SMCO3: variants seen among roughly 807,000 people sequenced by gnomAD.
The protein encoded by SMCO3 is single-pass membrane and coiled-coil domain-containing protein 3.
A neutral mutation model predicts 12.0 loss-of-function variants in SMCO3; 6 were observed. The ratio of observed to expected loss-of-function variants is 0.50; its 90% CI spans 0.27 to 0.99. SMCO3 has a LOEUF of 0.99. Ranked by LOEUF, SMCO3 falls within the 50% of genes least tolerant of loss-of-function variation. The pLI, the probability that SMCO3 is intolerant of heterozygous loss-of-function variation, is 0.11. For missense variants in SMCO3, 279 were observed against 265.0 expected (o/e 1.05, Z -0.37); for synonymous variants, 96 against 96.4 (o/e 1.00, Z 0.02).
chr12:14,807,601 A>G (rs1950073164), intron 1 of SMCO3, among the ~76,000 whole-genome samples: 1 of 152,230 alleles, frequency 6.6e-6, no homozygotes, highest in Non-Finnish European at 1.5e-5. Flanking sequence ...AAGGATATCC[A>G]AAGGCAACAT....
At chr12:14,808,989 C>T (rs576983850) in intron 1 of SMCO3, among the ~76,000 whole-genome samples, 41 of 152,220 alleles carry the variant, frequency 2.7e-4, no homozygotes, top group Admixed American at 7.2e-4. Flanking sequence ...AGTAATTTTC[C>T]ATTAAACGTT....
chr12:14,806,739 A>T, intron 1 of SMCO3, 43 bp from the exon 2 acceptor site: 3 of 1,505,024 alleles, frequency 2.0e-6, no homozygotes, highest in Non-Finnish European at 2.7e-6. Flanking sequence ...GTCTTAAAAA[A>T]TGTCTGCTAA....
intron 1 of SMCO3, among the ~76,000 whole-genome samples, chr12:14,811,500 A>G (rs940114975): frequency 6.6e-6 from 1 of 152,226 alleles, no homozygotes; most frequent in Non-Finnish European, 1.5e-5. Flanking sequence ...GAAAGTGCTG[A>G]TGTCATTGGT....
In SMCO3 at chr12:14,805,107, C is replaced by CA. The variant is rs1950028187; in HGVS notation, c.*895dup. 1 of 136,020 alleles carries CA rather than the reference C, an allele frequency of 7.4e-6. No homozygotes were observed. The highest frequency in any genetic ancestry group is 1.6e-5 in the Non-Finnish European group (1 of 60,862). The allele number at this position is 136,020 out of a possible 1,614,324, so 8.4% of individuals were successfully genotyped here. A position where few individuals can be genotyped will look rare whatever the true frequency, so the allele number is the denominator to read the frequency against. On this transcript the variant is annotated 3_prime_UTR_variant, in exon 2 of 2. Coordinates refer to ENST00000316048, the MANE Select transcript of SMCO3 (RefSeq NM_001013698.2). Reference sequence around the variant, plus strand: ...CACCTAATGCGTCATGTAGCAAAGGCAGCTGCCTCCTTTTTGCTAGTGTTG... The same window carrying CA: ...CACCTAATGCGTCATGTAGCAAAGGCAAGCTGCCTCCTTTTTGCTAGTGTTG...
intron 1 of SMCO3, among the ~76,000 whole-genome samples, chr12:14,807,690 A>G (rs563612884): frequency 6.6e-6 from 1 of 152,302 alleles, no homozygotes; most frequent in East Asian, 1.9e-4. Context: ...TTAAAATTTC[A>G]TGTGGGGAGA....
rs1950031148 is a variant in SMCO3 at position 14,805,313 on chromosome 12, A to G, written c.*690T>C. On this transcript the variant is annotated 3_prime_UTR_variant, in exon 2 of 2. Coordinates refer to ENST00000316048, the MANE Select transcript of SMCO3 (RefSeq NM_001013698.2). ...TGAACATTCACTTGAGCGATATTTA[A>G]TTATCACAGTTGGTCAGGGTTGATT... The G allele has an allele frequency of 6.6e-6, 1 of 152,174 alleles. No homozygotes were observed. Among genetic ancestry groups the G allele is most frequent in the Non-Finnish European group, 1.5e-5 (1 of 68,032 alleles). 9.4% of individuals were successfully genotyped at this position (152,174 alleles called of 1,614,324 possible).
chr12:14,811,469 A>T (rs1334605762), intron 1 of SMCO3, among the ~76,000 whole-genome samples: 4 of 152,196 alleles, frequency 2.6e-5, no homozygotes, highest in African/African-American at 9.7e-5. Flanking sequence ...TTATTTTATT[A>T]AAAAATGACA....
rs747208866 is a variant in SMCO3 at position 14,806,439 on chromosome 12, T to A, written c.242A>T (p.Gln81Leu). The A allele has an allele frequency of 1.2e-6, 2 of 1,614,248 alleles. No homozygotes were observed. The highest frequency in any genetic ancestry group is 8.5e-7 in the Non-Finnish European group (1 of 1,180,054). The change falls in exon 2 of 2, where the codon CAG becomes CTG. Residue 81 changes from glutamine to leucine, a missense_variant. Gln to Leu is a moderately radical substitution (Grantham distance 113). Transcript: ENST00000316048. ...QAIMKIQKEL[Q>L]KVDEALKDKL... is the part of the protein sequence containing the mutation. ...ATCTTTTAGTGCTTCATCAACCTTC[T>A]GCAATTCCTTTTGGATTTTCATAAT...
chr12:14,812,316 C>T (rs952952020), intron 1 of SMCO3, among the ~76,000 whole-genome samples: 5 of 152,122 alleles, frequency 3.3e-5, no homozygotes, highest in African/African-American at 7.2e-5. Context: ...CGGTGGCGGG[C>T]GCCTGTAGTC....
intron 1 of SMCO3, among the ~76,000 whole-genome samples, chr12:14,811,795 C>T (rs1003486033): frequency 4.6e-5 from 7 of 152,164 alleles, no homozygotes. Flanking sequence ...TCGTGAATAA[C>T]AGTAGTGCGT....
chr12:14,811,065 A>G (rs1340432603), intron 1 of SMCO3, among the ~76,000 whole-genome samples: 1 of 152,226 alleles, frequency 6.6e-6, no homozygotes, highest in East Asian at 1.9e-4. Flanking sequence ...AGCAAGTGGT[A>G]TATTTAATCC....
chr12:14,812,903 T>C (rs1031123444), intron 1 of SMCO3, among the ~76,000 whole-genome samples: 13 of 152,130 alleles, frequency 8.5e-5, no homozygotes, highest in African/African-American at 3.1e-4. Flanking sequence ...GATGGTCCTG[T>C]TTAAATATTG....
intron 1 of SMCO3, among the ~76,000 whole-genome samples, chr12:14,808,393 TGAGAGAAAA>T (rs1276585880): frequency 6.6e-6 from 1 of 151,972 alleles, no homozygotes; most frequent in Admixed American, 6.6e-5. Flanking sequence ...ATTACACTCT[TGAGAGAAAA>T]GAGAGAAAAA....
chr12:14,807,942 A>T (rs575334043), intron 1 of SMCO3, among the ~76,000 whole-genome samples: 1 of 152,244 alleles, frequency 6.6e-6, no homozygotes, highest in East Asian at 1.9e-4. Context: ...CAGGCAGGTG[A>T]ATAACTTGAG....
intron 1 of SMCO3, among the ~76,000 whole-genome samples, chr12:14,807,969 C>T (rs775176284): frequency 6.0e-4 from 91 of 152,066 alleles, no homozygotes; most frequent in Non-Finnish European, 1.1e-3. Context: ...AGTTCAAGAC[C>T]AGCCTGGCCA....
At chr12:14,807,992 C>T (rs1950079750) in intron 1 of SMCO3, among the ~76,000 whole-genome samples, 1 of 152,002 alleles carries the variant, frequency 6.6e-6, no homozygotes, top group Admixed American at 6.6e-5. Flanking sequence ...ACAGCGAAAC[C>T]CCATCTCTAC....
chr12:14,809,901 A>G (rs1444224094), intron 1 of SMCO3, among the ~76,000 whole-genome samples: 1 of 152,224 alleles, frequency 6.6e-6, no homozygotes, highest in Non-Finnish European at 1.5e-5. Flanking sequence ...AAATGGTGGG[A>G]AAAGTTCAGT....
At chr12:14,811,260 C>T (rs1950131784) in intron 1 of SMCO3, among the ~76,000 whole-genome samples, 1 of 152,118 alleles carries the variant, frequency 6.6e-6, no homozygotes, top group Non-Finnish European at 1.5e-5. Context: ...TTCTGTAGTG[C>T]CCTGGAGCAG....
chr12:14,808,739 T>C (rs1950093276), intron 1 of SMCO3, among the ~76,000 whole-genome samples: 1 of 152,200 alleles, frequency 6.6e-6, no homozygotes. Flanking sequence ...TAAACTACCA[T>C]GGTCAGAAAT....
Sources: gnomAD v4.1 joint callset for allele counts (sites outside exome capture counted in the v4.1 genomes callset) on GRCh38, gnomAD v4.1.1 for gene constraint, MANE v1.5 for transcripts, NCBI Gene and HGNC (gene_info 2026-07-23, HGNC 2026-07-21) for gene names.